APEX2: variants seen among roughly 807,000 people sequenced by gnomAD.
APEX2 encodes apurinic/apyrimidinic endodeoxyribonuclease 2.
In APEX2, 4 loss-of-function variants were observed where a neutral mutation model predicts 16.7. The observed-to-expected ratio is 0.24, with a 90% confidence interval of 0.12 to 0.55. The LOEUF (loss-of-function observed/expected upper bound fraction) is 0.55. Among genes scored for constraint, APEX2 ranks in the 20% least tolerant of loss-of-function variants. The pLI, the probability that APEX2 is intolerant of heterozygous loss-of-function variation, is 0.94. For missense variants in APEX2, 357 were observed against 433.6 expected (o/e 0.82, Z 1.57); for synonymous variants, 181 against 166.9 (o/e 1.08, Z -0.65).
rs372108205 is a variant in APEX2, at chrX:55,002,448, C to G, written c.422+17C>G. ...TAAGATCCGGTAATAGCTCATATCT[C>G]CCTGCTACTGAGCACTGCTGGTGCT... On this transcript the variant is annotated intron_variant, in intron 3 of 5. Transcript: ENST00000374987. 3.4e-6 allele frequency: 4 copies of G among 1,168,075 alleles called. No homozygotes were observed. The African/African-American group carries it at 7.1e-5, about 21-fold the overall frequency.
rs772717407 is a variant in APEX2 at position 55,007,336 on chromosome X, C to A, written c.1458C>A (p.Pro486=). 3 of 1,207,144 alleles carry A rather than the reference C, an allele frequency of 2.5e-6. No individual in the cohort carries two copies. The highest frequency in any genetic ancestry group is 3.5e-5 in the South Asian group (2 of 56,395). ...CVMRTVKKPG[P]NLGRRFYMCA... Reference sequence around the variant, plus strand: ...TGCGTACTGTGAAGAAGCCAGGACCCAACTTGGGCCGCCGCTTCTACATGT... The same window carrying A: ...TGCGTACTGTGAAGAAGCCAGGACCAAACTTGGGCCGCCGCTTCTACATGT... Residue 486 remains proline (P), a synonymous_variant, in exon 6 of 6, where the codon CCC becomes CCA. Coordinates refer to ENST00000374987, the MANE Select transcript of APEX2 (RefSeq NM_014481.4).
chrX:55,008,985 A>C lies in APEX2; in HGVS notation c.*1550A>C. ...CCAACAAGTGACCTATGGTTACCTCATAGATCTGCCACTTGTCTGAGGGAG... is the reference window on the plus strand; with the variant it reads ...CCAACAAGTGACCTATGGTTACCTCCTAGATCTGCCACTTGTCTGAGGGAG... On this transcript the variant is annotated 3_prime_UTR_variant, in exon 6 of 6. Transcript: ENST00000374987. 2.0e-6 allele frequency: 1 copy of C among 492,451 alleles called. No homozygotes were observed. The highest frequency in any genetic ancestry group is 3.4e-6 in the Non-Finnish European group (1 of 291,041). 40.6% of individuals were successfully genotyped at this position (492,451 alleles called of 1,213,427 possible).
In APEX2 at chrX:55,007,181, G is replaced by A. The variant is rs1935513908; in HGVS notation, c.1303G>A (p.Val435Met). 2 of 1,212,233 alleles carry A rather than the reference G, an allele frequency of 1.6e-6. No individual in the cohort carries two copies. Among genetic ancestry groups the A allele is most frequent in the Non-Finnish European group, 1.1e-6 (1 of 895,646 alleles). Residue 435 changes from valine (V) to methionine (M), a missense_variant, in exon 6 of 6, where the codon GTG becomes ATG. By Grantham distance (21) the Val-to-Met change is conservative. Coordinates refer to ENST00000374987, the MANE Select transcript of APEX2 (RefSeq NM_014481.4). ...KTPEEKAVAKVVKGQAKTSEA... is the reference protein window; with the variant it reads ...KTPEEKAVAKMVKGQAKTSEA... ...TCCAGAAGAGAAGGCAGTGGCCAAA[G>A]TGGTGAAGGGGCAGGCCAAGACTTC...
intron 5 of APEX2, 34 bp from the exon 6 acceptor site, chrX:55,006,480 GTCTC>G: frequency 9.5e-7 from 1 of 1,049,541 alleles, no homozygotes; most frequent in Non-Finnish European, 1.2e-6. Flanking sequence ...ATCTAGTTCT[GTCTC>G]TCTCTCTTCC....
In APEX2 at chrX:55,005,297, C is replaced by T. The variant is rs375745733; in HGVS notation, c.640-1221C>T. Among the ~76,000 whole-genome samples, 17 of 111,772 alleles carry T rather than the reference C, an allele frequency of 1.5e-4. No homozygotes were observed. The East Asian group carries it at 3.4e-3, about 22-fold the overall frequency. ...TGTGATAGCATCATACATCTTTGTG[C>T]CTTTTCTACTTAGTTCAGAGGTATC... On this transcript the variant is annotated intron_variant, in intron 5 of 5. Transcript: ENST00000374987.
At chrX:55,001,372 C>G (rs1006459827) in intron 1 of APEX2, among the ~76,000 whole-genome samples, 174 bp from the exon 2 acceptor site, 6 of 111,772 alleles carry the variant, frequency 5.4e-5, no homozygotes, top group South Asian at 3.7e-4. Flanking sequence ...AATTTCCTCT[C>G]TGACATTTCC....
intron 5 of APEX2, 112 bp from the exon 6 acceptor site, chrX:55,006,406 G>A (rs376410778): frequency 2.1e-5 from 13 of 615,379 alleles, no homozygotes; most frequent in Middle Eastern, 3.4e-4. Flanking sequence ...AGTCCTCTTG[G>A]GACAACCAAA....
chrX:55,002,275 A>C lies in APEX2; in HGVS notation c.266A>C (p.Asn89Thr). ...GGTGTAGCCACCTTCTGTAAGGACA[A>C]TGCTACCCCAGTGGCTGCTGAAGAA... ...YSGVATFCKD[N>T]ATPVAAEEGL... Residue 89 changes from asparagine (N) to threonine (T), a missense_variant, in exon 3 of 6, where the codon AAT becomes ACT. By Grantham distance (65) the Asn-to-Thr change is moderately conservative. Coordinates refer to ENST00000374987, the MANE Select transcript of APEX2 (RefSeq NM_014481.4). The C allele has an allele frequency of 8.3e-7, 1 of 1,204,255 alleles. No individual in the cohort carries two copies. Among genetic ancestry groups the C allele is most frequent in the Non-Finnish European group, 1.1e-6 (1 of 892,387 alleles).
intron 1 of APEX2, among the ~76,000 whole-genome samples, 153 bp downstream of exon 1, chrX:55,000,732 C>A (rs996372882): frequency 9.0e-6 from 1 of 110,947 alleles, no homozygotes; most frequent in South Asian, 3.9e-4. Context: ...CATTTCCCAC[C>A]CTAGCTAGAT....
At chrX:55,004,742 T>C (rs1935482378) in intron 5 of APEX2, among the ~76,000 whole-genome samples, 1 of 111,433 alleles carries the variant, frequency 9.0e-6, no homozygotes, top group Non-Finnish European at 1.9e-5. Flanking sequence ...CCCCTCCCTG[T>C]CTTTTTGTTA....
chrX:55,003,983 C>A, intron 5 of APEX2, 115 bp downstream of exon 5: 1 of 632,739 alleles, frequency 1.6e-6, no homozygotes, highest in Non-Finnish European at 2.5e-6. Flanking sequence ...CGGAGCTTGG[C>A]TTGCAATACT....
intron 5 of APEX2, among the ~76,000 whole-genome samples, chrX:55,005,919 C>T (rs774869524): frequency 9.1e-6 from 1 of 110,491 alleles, no homozygotes; most frequent in African/African-American, 3.3e-5. Flanking sequence ...TCATGCATGG[C>T]ACATAATAGG....
rs763283917 is a variant in APEX2 at position 55,009,010 on chromosome X, G to A, written c.*1575G>A. 1 of 597,662 alleles carries A rather than the reference G, an allele frequency of 1.7e-6. No homozygotes were observed. The highest frequency in any genetic ancestry group is 2.6e-6 in the Non-Finnish European group (1 of 382,656). 49.3% of individuals were successfully genotyped at this position (597,662 alleles called of 1,213,427 possible). ...ATAGATCTGCCACTTGTCTGAGGGAGTCAGAATGCACTTGTCTGTTCCCTG... is the reference window on the plus strand; with the variant it reads ...ATAGATCTGCCACTTGTCTGAGGGAATCAGAATGCACTTGTCTGTTCCCTG... On this transcript the variant is annotated 3_prime_UTR_variant, in exon 6 of 6. Transcript: ENST00000374987.
intron 4 of APEX2, among the ~76,000 whole-genome samples, 159 bp from the exon 5 acceptor site, chrX:55,003,640 A>C (rs1452523656): frequency 8.9e-6 from 1 of 111,820 alleles, no homozygotes; most frequent in Non-Finnish European, 1.9e-5. Context: ...AAAGGCAGCA[A>C]GTTTGTGGTA....
Position 55,006,899 on chromosome X carries a change from C to T in APEX2, c.1021C>T (p.Arg341Cys), listed in dbSNP as rs748117513. Residue 341 changes from arginine to cysteine, a missense_variant, in exon 6 of 6, where the codon CGC becomes TGC. Physicochemically the swap from Arg to Cys is radical, Grantham distance 180. Coordinates refer to ENST00000374987, the MANE Select transcript of APEX2 (RefSeq NM_014481.4). ...TGCAGGCACCCAGCTCAAGATCCTT[C>T]GCTTCCTAGTTCCTCTCGAACAAAG... ...EFAGTQLKIL[R>C]FLVPLEQSPV... 5 of 1,211,727 alleles carry T rather than the reference C, an allele frequency of 4.1e-6. No homozygotes were observed. The highest frequency in any genetic ancestry group is 3.5e-5 in the South Asian group (2 of 56,942).
chrX:55,000,625 G>T (rs1166576655), intron 1 of APEX2, 46 bp downstream of exon 1: 1 of 1,151,423 alleles, frequency 8.7e-7, no homozygotes, highest in East Asian at 3.1e-5. Flanking sequence ...TTTCTTTCCC[G>T]CTAACTTTTG....
At chrX:55,006,251 A>G (rs1259083057) in intron 5 of APEX2, among the ~76,000 whole-genome samples, 4 of 110,750 alleles carry the variant, frequency 3.6e-5, no homozygotes, top group Non-Finnish European at 7.5e-5. Context: ...TGAGTAAGCA[A>G]ACTTTCAGAT....
At chrX:55,005,017 A>C (rs1489331994) in intron 5 of APEX2, among the ~76,000 whole-genome samples, 1 of 111,369 alleles carries the variant, frequency 9.0e-6, no homozygotes, top group African/African-American at 3.3e-5. Flanking sequence ...TCAGTGATTT[A>C]TGCTGGTACA....
At chrX:55,003,319 A>G (rs376447170) in intron 4 of APEX2, among the ~76,000 whole-genome samples, 6 of 112,745 alleles carry the variant, frequency 5.3e-5, no homozygotes, top group Admixed American at 2.8e-4. Flanking sequence ...GCTCTTACTC[A>G]TTGTGAGCCC....
Sources: gnomAD v4.1 joint callset for allele counts (sites outside exome capture counted in the v4.1 genomes callset) on GRCh38, gnomAD v4.1.1 for gene constraint, MANE v1.5 for transcripts, NCBI Gene and HGNC (gene_info 2026-07-23, HGNC 2026-07-21) for gene names.